Variants in SNRPA observed in about 807,000 individuals in gnomAD.
SNRPA encodes the protein U1 small nuclear ribonucleoprotein A.
Under a neutral mutation model 24.5 loss-of-function variants are expected in SNRPA, and 10 were observed. That is an observed-to-expected ratio of 0.41 (90% confidence interval 0.25 to 0.69). The LOEUF (loss-of-function observed/expected upper bound fraction) is 0.69. Ranked by LOEUF, SNRPA falls within the 30% of genes least tolerant of loss-of-function variation. The probability of loss-of-function intolerance (pLI) is 0.33; values close to 1 mark genes in which losing one functional copy is unlikely to be tolerated. For missense variants in SNRPA, 283 were observed against 394.7 expected (o/e 0.72, Z 2.40); for synonymous variants, 165 against 148.4 (o/e 1.11, Z -0.81).
intron 1 of SNRPA, among the ~76,000 whole-genome samples, chr19:40,752,485 G>T (rs529426943): frequency 1.4e-5 from 2 of 145,328 alleles, no homozygotes; most frequent in Admixed American, 1.4e-4. Flanking sequence ...GTTCAGGCCT[G>T]TAAGCCCAAC....
At chr19:40,759,653 TCCTC>T (rs1471453001) in intron 3 of SNRPA, 43 bp downstream of exon 3, 2 of 1,545,000 alleles carry the variant, frequency 1.3e-6, no homozygotes, top group East Asian at 4.6e-5. Flanking sequence ...TGCCAGACCT[TCCTC>T]AGCCACATGG....
chr19:40,764,990 T>G lies in SNRPA; in HGVS notation c.690-18T>G. The G allele has an allele frequency of 6.5e-7, 1 of 1,539,498 alleles. No individual in the cohort carries two copies. Among genetic ancestry groups the G allele is most frequent in the Admixed American group, 2.1e-5 (1 of 47,592 alleles). Reference sequence around the variant, plus strand: ...AGGGGGAAATGCTGAGTCCCTGAGGTCTGTCGTTCTCTTTCAGGTTCCCTG... The same window carrying G: ...AGGGGGAAATGCTGAGTCCCTGAGGGCTGTCGTTCTCTTTCAGGTTCCCTG... On this transcript the variant is annotated intron_variant, in intron 5 of 5. Transcript: ENST00000243563.
chr19:40,752,830 G>C (rs1021866890), intron 1 of SNRPA, among the ~76,000 whole-genome samples: 1 of 151,966 alleles, frequency 6.6e-6, no homozygotes, highest in African/African-American at 2.4e-5. Context: ...CACCTTTATT[G>C]AACCTCATTT....
At chr19:40,761,747 G>A (rs61466079) in intron 3 of SNRPA, among the ~76,000 whole-genome samples, 2,886 of 152,036 alleles carry the variant, frequency 0.019, 80 homozygotes, top group African/African-American at 0.064. Context: ...GATTACAAGC[G>A]TGAGCCACTG....
At position 40,762,928 on chromosome 19, in the gene SNRPA, C is replaced by G; in HGVS notation, c.454C>G (p.Arg152Gly). ...CATGCCGCCGATGACTCAGGCGCCCCGCATTATGCACCACATGCCGGGCCA... is the reference window on the plus strand; with the variant it reads ...CATGCCGCCGATGACTCAGGCGCCCGGCATTATGCACCACATGCCGGGCCA... ...PGMPPMTQAPRIMHHMPGQPP... is the reference protein window; with the variant it reads ...PGMPPMTQAPGIMHHMPGQPP... Residue 152 changes from arginine (R) to glycine (G), a missense_variant, in exon 4 of 6, where the codon CGC becomes GGC. Transcript: ENST00000243563. The G allele has an allele frequency of 3.1e-6, 5 of 1,613,850 alleles. No individual in the cohort carries two copies. The highest frequency in any genetic ancestry group is 4.2e-6 in the Non-Finnish European group (5 of 1,179,972).
chr19:40,757,419 A>G lies in SNRPA; in HGVS notation c.161A>G (p.Gln54Arg). The G allele has an allele frequency of 1.2e-6, 2 of 1,614,126 alleles. No individual in the cohort carries two copies. Among genetic ancestry groups the G allele is most frequent in the Non-Finnish European group, 1.7e-6 (2 of 1,179,992 alleles). Residue 54 changes from glutamine (Q) to arginine (R), a missense_variant, in exon 2 of 6, where the codon CAG becomes CGG. Transcript: ENST00000243563. Reference sequence around the variant, plus strand: ...TCACGGAGCCTGAAGATGAGGGGCCAGGCCTTTGTCATCTTCAAGGAGGTC... The same window carrying G: ...TCACGGAGCCTGAAGATGAGGGGCCGGGCCTTTGTCATCTTCAAGGAGGTC... ...LVSRSLKMRG[Q>R]AFVIFKEVSS...
At chr19:40,762,780 C>A in intron 3 of SNRPA, 121 bp from the exon 4 acceptor site, 1 of 1,034,580 alleles carries the variant, frequency 9.7e-7, no homozygotes, top group Non-Finnish European at 1.4e-6. Flanking sequence ...CTTTGGGTGC[C>A]TTTTGCGCCT....
chr19:40,752,593 A>G (rs1220724282), intron 1 of SNRPA, among the ~76,000 whole-genome samples: 3 of 150,590 alleles, frequency 2.0e-5, no homozygotes. Context: ...AAAAAAAAAA[A>G]AAAAAAAAAA....
At chr19:40,755,557 G>T (rs2082905486) in intron 1 of SNRPA, among the ~76,000 whole-genome samples, 1 of 152,174 alleles carries the variant, frequency 6.6e-6, no homozygotes, top group Admixed American at 6.5e-5. Context: ...TGTATCTTTT[G>T]TAGAGACAGG....
In SNRPA at chr19:40,759,581, G is replaced by A. The variant is rs368200642; in HGVS notation, c.397G>A (p.Val133Met). The change falls in exon 3 of 6, where the codon GTG becomes ATG. Residue 133 changes from valine to methionine, a missense_variant. Physicochemically the swap from Val to Met is conservative, Grantham distance 21 (BLOSUM62 1). Around this residue, in one of 6 missense-constraint regions of SNRPA, gnomAD observed 167 missense variants for 174.3 expected, o/e 0.96. Transcript: ENST00000243563. ...TGTGCAAGGCGGGGGAGCCACCCCC[G>A]TGGTGGGGGCTGTCCAGGGGCCTGT... ...KAVQGGGATP[V>M]VGAVQGPVPG... 17 of 1,612,812 alleles carry A rather than the reference G, an allele frequency of 1.1e-5. No homozygotes were observed. The highest frequency in any genetic ancestry group is 4.4e-5 in the South Asian group (4 of 90,998).
chr19:40,751,230 G>GA lies in SNRPA; in HGVS notation c.-179_-178insA, dbSNP rs1441778148. On this transcript the variant is annotated 5_prime_UTR_variant, in exon 1 of 6. Coordinates refer to ENST00000243563, the MANE Select transcript of SNRPA (RefSeq NM_004596.5). The stretch of plus-strand genomic sequence containing the variant: ...CTCCGCACGCGGGCTGGAGAAGCGG[G>GA]TCCTACGCACGCTTTGTTGTCGCGC... 2 of 640,340 alleles carry GA rather than the reference G, an allele frequency of 3.1e-6. No homozygotes were observed. Among genetic ancestry groups the GA allele is most frequent in the African/African-American group, 3.6e-5 (2 of 55,198 alleles). The allele number at this position is 640,340 out of a possible 1,614,324, so 39.7% of individuals were successfully genotyped here. A position where few individuals can be genotyped will look rare whatever the true frequency, so the allele number is the denominator to read the frequency against.
intron 1 of SNRPA, among the ~76,000 whole-genome samples, chr19:40,755,375 G>A (rs2082904826): frequency 6.8e-6 from 1 of 147,508 alleles, no homozygotes; most frequent in Non-Finnish European, 1.5e-5. Context: ...CCAAAGTGCT[G>A]GAATTATAGG....
chr19:40,758,703 T>A (rs2082918558), intron 2 of SNRPA: 1 of 152,182 alleles, frequency 6.6e-6, no homozygotes, highest in Non-Finnish European at 1.5e-5. Flanking sequence ...CTCAGTAAGC[T>A]CCTGATAAGG....
intron 1 of SNRPA, among the ~76,000 whole-genome samples, chr19:40,755,062 A>C (rs1447002762): frequency 6.6e-6 from 1 of 151,508 alleles, no homozygotes; most frequent in Non-Finnish European, 1.5e-5. Context: ...CTATTTTACA[A>C]GTGGCTTCTG....
chr19:40,763,897 G>A (rs563565540), intron 5 of SNRPA, among the ~76,000 whole-genome samples: 1 of 152,200 alleles, frequency 6.6e-6, no homozygotes, highest in East Asian at 1.9e-4. Flanking sequence ...AGGGCTTGCC[G>A]GCTTTTTTCA....
intron 5 of SNRPA, 102 bp from the exon 6 acceptor site, chr19:40,764,906 G>A: frequency 2.6e-6 from 3 of 1,162,650 alleles, no homozygotes; most frequent in Non-Finnish European, 3.5e-6. Flanking sequence ...GCCCTGCCCT[G>A]TGCATTGGAG....
At chr19:40,760,962 T>G (rs572124769) in intron 3 of SNRPA, among the ~76,000 whole-genome samples, 3 of 151,950 alleles carry the variant, frequency 2.0e-5, no homozygotes, top group African/African-American at 7.2e-5. Context: ...TTTGTTTTCT[T>G]TTGTTTTTTT....
Position 40,751,236 on chromosome 19 carries a change from C to T in SNRPA, c.-173C>T, listed in dbSNP as rs1473069347. On this transcript the variant is annotated 5_prime_UTR_variant, in exon 1 of 6. It adds an upstream start codon to the 5' untranslated region. Coordinates refer to ENST00000243563, the MANE Select transcript of SNRPA (RefSeq NM_004596.5). ...ACGCGGGCTGGAGAAGCGGGTCCTA[C>T]GCACGCTTTGTTGTCGCGCTTTGCC... 1 of 651,944 alleles carries T rather than the reference C, an allele frequency of 1.5e-6. No individual in the cohort carries two copies. Among genetic ancestry groups the T allele is most frequent in the East Asian group, 2.6e-5 (1 of 39,096 alleles). The allele number at this position is 651,944 out of a possible 1,614,324, so 40.4% of individuals were successfully genotyped here.
At chr19:40,762,199 C>G (rs2082935679) in intron 3 of SNRPA, among the ~76,000 whole-genome samples, 1 of 152,014 alleles carries the variant, frequency 6.6e-6, no homozygotes, top group Non-Finnish European at 1.5e-5. Flanking sequence ...TGTCCCTTTC[C>G]ATCACTGCCC....
Sources: allele counts gnomAD v4.1 joint callset (sites outside exome capture counted in the v4.1 genomes callset), GRCh38; gene constraint gnomAD v4.1.1; regional missense constraint gnomAD v4.1.1; transcripts MANE v1.5; gene names NCBI Gene and HGNC (gene_info 2026-07-23, HGNC 2026-07-21).